Variants in BRINP1 observed in about 807,000 individuals in gnomAD.
BRINP1 encodes the protein BMP/retinoic acid inducible neural specific 1.
A neutral mutation model predicts 72.9 loss-of-function variants in BRINP1; 17 were observed. The observed-to-expected ratio is 0.23, with a 90% CI of 0.16 to 0.35. The LOEUF is 0.35. Among genes scored for constraint, BRINP1 ranks in the 10% least tolerant of loss-of-function variants. The probability of loss-of-function intolerance (pLI) is 1.00; values close to 1 mark genes in which losing one functional copy is unlikely to be tolerated. For synonymous variants in BRINP1, 418 were observed against 378.5 expected (o/e 1.10, Z -1.21); for missense variants, 850 against 1,001.6 (o/e 0.85, Z 2.04).
chr9:119,271,188 C>T (rs1332448), intron 2 of BRINP1, among the ~76,000 whole-genome samples: 100,114 of 151,788 alleles, frequency 0.66, 33,945 homozygotes, highest in East Asian at 0.91. Flanking sequence ...AAGGGAATAG[C>T]TCATAGGTGA....
At chr9:119,194,980 T>C (rs1293125679) in intron 7 of BRINP1, among the ~76,000 whole-genome samples, 5 of 152,136 alleles carry the variant, frequency 3.3e-5, no homozygotes, top group African/African-American at 9.6e-5. Context: ...AAACACTCTG[T>C]TTCATTTTAC....
chr9:119,340,049 C>T (rs568173698), intron 1 of BRINP1, among the ~76,000 whole-genome samples: 13 of 152,170 alleles, frequency 8.5e-5, no homozygotes, highest in Non-Finnish European at 1.8e-4. Context: ...GCCACTGTTT[C>T]AGGAATAACC....
chr9:119,299,266 G>A (rs981998885), intron 2 of BRINP1, among the ~76,000 whole-genome samples: 3 of 152,016 alleles, frequency 2.0e-5, no homozygotes, highest in Non-Finnish European at 2.9e-5. Flanking sequence ...CCTGGTAACC[G>A]CCATTCTACT....
At chr9:119,240,368 G>A (rs1443620218) in intron 4 of BRINP1, among the ~76,000 whole-genome samples, 7 of 152,124 alleles carry the variant, frequency 4.6e-5, no homozygotes, top group Admixed American at 4.6e-4. Flanking sequence ...AAAAATCCAA[G>A]GGCCAAATTA....
chr9:119,176,021 A>G (rs946565768), intron 7 of BRINP1, among the ~76,000 whole-genome samples: 1 of 152,162 alleles, frequency 6.6e-6, no homozygotes, highest in Non-Finnish European at 1.5e-5. Context: ...ACACAGAGCT[A>G]TGTGAGGATT....
intron 7 of BRINP1, among the ~76,000 whole-genome samples, chr9:119,173,110 T>G (rs1829436270): frequency 6.9e-6 from 1 of 145,894 alleles, no homozygotes; most frequent in Non-Finnish European, 1.5e-5. Context: ...CTATTCAACA[T>G]AGTGTTGGAA....
At chr9:119,225,879 T>C (rs1830085669) in intron 5 of BRINP1, among the ~76,000 whole-genome samples, 1 of 151,090 alleles carries the variant, frequency 6.6e-6, no homozygotes, top group African/African-American at 2.5e-5. Context: ...TTTTATGTTG[T>C]GTATATTTTG....
chr9:119,314,040 G>A (rs1370463686), intron 1 of BRINP1, among the ~76,000 whole-genome samples: 1 of 152,178 alleles, frequency 6.6e-6, no homozygotes, highest in African/African-American at 2.4e-5. Context: ...CTTTAGAGAC[G>A]AAGAGTTCAT....
At chr9:119,207,049 G>A (rs1351063996) in intron 7 of BRINP1, among the ~76,000 whole-genome samples, 2 of 152,322 alleles carry the variant, frequency 1.3e-5, no homozygotes, top group South Asian at 2.1e-4. Context: ...TTGAATGTCT[G>A]TACAAGGAGG....
chr9:119,261,418 T>G (rs1323443820), intron 2 of BRINP1, among the ~76,000 whole-genome samples: 2 of 152,190 alleles, frequency 1.3e-5, no homozygotes, highest in Non-Finnish European at 2.9e-5. Context: ...TGGTAGGGAT[T>G]GCCTGTTTAG....
intron 1 of BRINP1, among the ~76,000 whole-genome samples, chr9:119,353,822 C>CTTTTTTT (rs138900910): frequency 3.2e-5 from 1 of 30,958 alleles, no homozygotes; most frequent in Non-Finnish European, 5.8e-5. Flanking sequence ...GTTTTGAGCA[C>CTTTTTTT]TTTTTTTTTT....
intron 1 of BRINP1, among the ~76,000 whole-genome samples, chr9:119,363,702 G>T (rs745412151): frequency 6.6e-6 from 1 of 152,174 alleles, no homozygotes. Flanking sequence ...CCATGTACAT[G>T]CTACATTTCT....
chr9:119,355,535 T>C (rs567510128), intron 1 of BRINP1, among the ~76,000 whole-genome samples: 55 of 152,218 alleles, frequency 3.6e-4, no homozygotes, highest in Non-Finnish European at 6.2e-4. Context: ...GAGACCATCC[T>C]GGCTAACATG....
At chr9:119,321,541 G>A (rs1266729380) in intron 1 of BRINP1, among the ~76,000 whole-genome samples, 1 of 152,050 alleles carries the variant, frequency 6.6e-6, no homozygotes, top group Non-Finnish European at 1.5e-5. Context: ...TTCCCAGGCT[G>A]GAGTGCCGTG....
At chr9:119,340,356 C>G (rs915116996) in intron 1 of BRINP1, among the ~76,000 whole-genome samples, 4 of 151,994 alleles carry the variant, frequency 2.6e-5, no homozygotes, top group East Asian at 3.9e-4. Context: ...AATTGGCCCC[C>G]AAGGGGCTAA....
intron 1 of BRINP1, among the ~76,000 whole-genome samples, chr9:119,327,724 T>C (rs1209154007): frequency 6.6e-6 from 1 of 152,120 alleles, no homozygotes; most frequent in African/African-American, 2.4e-5. Flanking sequence ...AAGGAAGGTG[T>C]ATACAATGAC....
intron 2 of BRINP1, among the ~76,000 whole-genome samples, chr9:119,284,183 T>G (rs996302177): frequency 2.6e-5 from 4 of 152,234 alleles, no homozygotes; most frequent in Non-Finnish European, 4.4e-5. Flanking sequence ...TTGAGTTTTC[T>G]CTGGGAAAGC....
chr9:119,233,360 T>C (rs1367504733), intron 5 of BRINP1, among the ~76,000 whole-genome samples: 1 of 152,070 alleles, frequency 6.6e-6, no homozygotes, highest in Non-Finnish European at 1.5e-5. Flanking sequence ...ATTAAAAATA[T>C]AATAAATACA....
chr9:119,185,068 A>G (rs1829602116), intron 7 of BRINP1, among the ~76,000 whole-genome samples: 3 of 152,144 alleles, frequency 2.0e-5, no homozygotes. Flanking sequence ...GCTCAGGTCC[A>G]TCTCACAGTG....
Sources: gnomAD v4.1 joint callset for allele counts (sites outside exome capture counted in the v4.1 genomes callset) on GRCh38, gnomAD v4.1.1 for gene constraint, MANE v1.5 for transcripts, NCBI Gene and HGNC (gene_info 2026-07-23, HGNC 2026-07-21) for gene names.